Variants in PCDHGA3 observed in about 807,000 individuals in gnomAD.
The protein encoded by PCDHGA3 is protocadherin gamma-A3.
In PCDHGA3, 40 loss-of-function variants were observed where a neutral mutation model predicts 58.5. That is an observed-to-expected ratio of 0.68 (90% CI 0.53 to 0.89). The LOEUF is 0.89. PCDHGA3 is among the 40% of genes least tolerant of loss of function. The pLI is 0.00. For synonymous variants in PCDHGA3, 530 were observed against 525.7 expected, an observed-to-expected ratio of 1.01 and a Z score of -0.11; for missense variants, 1,223 against 1,195.9, an observed-to-expected ratio of 1.02 and a Z score of -0.33.
At chr5:141,419,686 G>T (rs551990092) in intron 1 of PCDHGA3, 2 of 1,612,878 alleles carry the variant, frequency 1.2e-6, no homozygotes, top group South Asian at 1.1e-5. Flanking sequence ...ACCACGTGGT[G>T]CAGGCCAGTG....
intron 1 of PCDHGA3, chr5:141,402,861 A>G (rs2094315270): frequency 7.0e-7 from 1 of 1,430,150 alleles, no homozygotes; most frequent in Non-Finnish European, 9.2e-7. Context: ...CTTCTAAGGA[A>G]AAGATCACCA....
intron 1 of PCDHGA3, chr5:141,414,150 A>C (rs750190499): frequency 6.2e-7 from 1 of 1,600,176 alleles, no homozygotes; most frequent in African/African-American, 1.3e-5. Context: ...AAATACAAGC[A>C]GAAGATGGAG....
chr5:141,351,965 G>T lies in PCDHGA3; in HGVS notation c.2424+5508G>T, dbSNP rs779515457. Reference sequence around the variant, plus strand: ...CCCCGCGCTGGGGCCTGATGGCTCCGCCCTCTTCGATATGGTGCCACGCGC... The same window carrying T: ...CCCCGCGCTGGGGCCTGATGGCTCCTCCCTCTTCGATATGGTGCCACGCGC... On this transcript the variant is annotated intron_variant, in intron 1 of 3. Coordinates refer to ENST00000253812, the MANE Select transcript of PCDHGA3 (RefSeq NM_018916.4). The T allele has an allele frequency of 4.3e-6, 7 of 1,612,548 alleles. No homozygotes were observed. The East Asian group carries it at 8.9e-5, about 21-fold the overall frequency.
chr5:141,399,623 C>G, intron 1 of PCDHGA3: 2 of 1,613,920 alleles, frequency 1.2e-6, no homozygotes, highest in Non-Finnish European at 1.7e-6. Context: ...GCACTGGCCT[C>G]TTACGTGTCC....
chr5:141,489,935 T>C lies in PCDHGA3; in HGVS notation c.2425-4872T>C. On this transcript the variant is annotated intron_variant, in intron 1 of 3. Coordinates refer to ENST00000253812, the MANE Select transcript of PCDHGA3 (RefSeq NM_018916.4). The surrounding 1 kb of genome is among the most constrained non-coding windows in gnomAD (Gnocchi z 4.5). ...GGGACCACCCTTATCTCTGTCATCG[T>C]GCTGGACATCAATGATAATGCTCCA... 1 of 1,614,216 alleles carries C rather than the reference T, an allele frequency of 6.2e-7. No individual in the cohort carries two copies.
At chr5:141,450,509 G>A (rs2098683055) in intron 1 of PCDHGA3, among the ~76,000 whole-genome samples, 1 of 151,878 alleles carries the variant, frequency 6.6e-6, no homozygotes, top group African/African-American at 2.4e-5. Flanking sequence ...GTTTTGAGAT[G>A]GAGTCTCATT....
At chr5:141,430,873 G>T in intron 1 of PCDHGA3, 5 of 1,598,960 alleles carry the variant, frequency 3.1e-6, no homozygotes, top group Non-Finnish European at 4.3e-6. Flanking sequence ...TTCCGGAAGA[G>T]CTGGAGAAAG....
At chr5:141,395,542 TTGTGTGTGTGTGTGTGTGTGTG>T (rs55729045) in intron 1 of PCDHGA3, 19 of 172,620 alleles carry the variant, frequency 1.1e-4, no homozygotes, top group Admixed American at 1.0e-3. Context: ...TTGCTATTGT[TTGTGTGTGTGTGTGTGTGTGTG>T]TGTGTGTGTG....
intron 1 of PCDHGA3, chr5:141,413,667 G>A: frequency 6.2e-7 from 1 of 1,613,836 alleles, no homozygotes; most frequent in Non-Finnish European, 8.5e-7. Flanking sequence ...CTATTGATCC[G>A]GATGTGGGCG....
rs765123370 is a variant in PCDHGA3, at chr5:141,365,478, C to A, written c.2424+19021C>A. On this transcript the variant is annotated intron_variant, in intron 1 of 3. Coordinates refer to ENST00000253812, the MANE Select transcript of PCDHGA3 (RefSeq NM_018916.4). ...GATTCTGGAGAAAATGGTGAGATTGCATGCTCTATTCCTAGGAATTTGCCT... is the reference window on the plus strand; with the variant it reads ...GATTCTGGAGAAAATGGTGAGATTGAATGCTCTATTCCTAGGAATTTGCCT... The A allele has an allele frequency of 8.1e-6, 13 of 1,614,014 alleles. No homozygotes were observed. In the South Asian group the frequency reaches 1.4e-4, roughly 18 times the overall value.
At chr5:141,370,490 G>T (rs780342479) in intron 1 of PCDHGA3, 6 of 1,613,894 alleles carry the variant, frequency 3.7e-6, no homozygotes, top group Non-Finnish European at 5.1e-6. Context: ...TCTCCGAACC[G>T]ATCCGCTACG....
At chr5:141,435,435 T>G (rs2097763289) in intron 1 of PCDHGA3, among the ~76,000 whole-genome samples, 1 of 152,212 alleles carries the variant, frequency 6.6e-6, no homozygotes. Context: ...TGTTATGCAT[T>G]TCATTAATAC....
chr5:141,374,152 G>T (rs1190094932), intron 1 of PCDHGA3: 1 of 1,612,132 alleles, frequency 6.2e-7, no homozygotes. Context: ...TGGGGACGCT[G>T]TGGGGGGCCG....
intron 1 of PCDHGA3, chr5:141,442,382 T>C (rs1256682275): frequency 6.6e-6 from 1 of 152,290 alleles, no homozygotes; most frequent in East Asian, 1.9e-4. Flanking sequence ...CTACCAGGTG[T>C]GTGCTTCTCC....
At position 141,365,619 on chromosome 5, in the gene PCDHGA3, C is replaced by T. The variant is rs373801138; in HGVS notation, c.2424+19162C>T. The T allele has an allele frequency of 2.5e-6, 4 of 1,613,488 alleles. No homozygotes were observed. The African/African-American group carries it at 4.0e-5, about 16-fold the overall frequency. Reference sequence around the variant, plus strand: ...TTAACCGTCATGGACCATGGAACCCCGCCCCTCTCTACAGAAAGCCACATC... The same window carrying T: ...TTAACCGTCATGGACCATGGAACCCTGCCCCTCTCTACAGAAAGCCACATC... On this transcript the variant is annotated intron_variant, in intron 1 of 3. Transcript: ENST00000253812.
chr5:141,419,524 T>C (rs1400473876), intron 1 of PCDHGA3: 4 of 1,612,164 alleles, frequency 2.5e-6, no homozygotes, highest in Non-Finnish European at 3.4e-6. Flanking sequence ...TGGGCGACCG[T>C]AACGACAACG....
chr5:141,464,266 AAAAAAAAAAAAGC>A (rs2099079689), intron 1 of PCDHGA3, among the ~76,000 whole-genome samples: 2 of 138,926 alleles, frequency 1.4e-5, no homozygotes, highest in Admixed American at 1.4e-4. Flanking sequence ...CTCCGTCTAA[AAAAAAAAAAAAGC>A]AAAAAAAAAA....
At chr5:141,382,924 G>A in intron 1 of PCDHGA3, 1 of 1,568,666 alleles carries the variant, frequency 6.4e-7, no homozygotes, top group Non-Finnish European at 8.7e-7. Flanking sequence ...GAGGGGCGGG[G>A]ACTACAGAGG....
At chr5:141,399,298 A>T (rs1451298331) in intron 1 of PCDHGA3, 1 of 1,613,850 alleles carries the variant, frequency 6.2e-7, no homozygotes, top group Non-Finnish European at 8.5e-7. Flanking sequence ...TTTTAAGATT[A>T]TCTCTTCATC....
Sources: gnomAD v4.1 joint callset for allele counts (sites outside exome capture counted in the v4.1 genomes callset) on GRCh38, gnomAD v4.1.1 for gene constraint, Gnocchi (gnomAD v3.1) non-coding constraint, MANE v1.5 for transcripts, NCBI Gene and HGNC (gene_info 2026-07-23, HGNC 2026-07-21) for gene names.